Variants in ANKRD53 observed in about 807,000 individuals in gnomAD.
The protein encoded by ANKRD53 is ankyrin repeat domain-containing protein 53.
A neutral mutation model predicts 30.1 loss-of-function variants in ANKRD53; 27 were observed. The ratio of observed to expected loss-of-function variants is 0.90; its 90% CI spans 0.66 to 1.24. The LOEUF (loss-of-function observed/expected upper bound fraction) is 1.24. Ranked by LOEUF, ANKRD53 falls within the 50% of genes most tolerant of loss-of-function variation. ANKRD53 has a pLI of 0.00. For synonymous variants in ANKRD53, 286 were observed against 295.4 expected, an observed-to-expected ratio of 0.97 and a Z score of 0.33; for missense variants, 682 against 721.0, an observed-to-expected ratio of 0.95 and a Z score of 0.62.
At position 70,984,849 on chromosome 2, in the gene ANKRD53, A is replaced by G. The variant is rs1553424437; in HGVS notation, c.1142A>G (p.Lys381Arg). Residue 381 changes from lysine (K) to arginine (R), a missense_variant, in exon 6 of 6, where the codon AAG becomes AGG. Coordinates refer to ENST00000360589, the MANE Select transcript of ANKRD53 (RefSeq NM_001115116.2). ...PKPIYRKPTV[K>R]RPTMWNVSNN... ...CCCATCTACAGGAAGCCCACGGTCAAGCGGCCCACAATGTGGAATGTTAGC... is the reference window on the plus strand; with the variant it reads ...CCCATCTACAGGAAGCCCACGGTCAGGCGGCCCACAATGTGGAATGTTAGC... 1 of 1,551,732 alleles carries G rather than the reference A, an allele frequency of 6.4e-7. No individual in the cohort carries two copies. The highest frequency in any genetic ancestry group is 2.0e-5 in the Admixed American group (1 of 51,024).
At chr2:70,980,900 C>G (rs1478153822) in intron 3 of ANKRD53, among the ~76,000 whole-genome samples, 5 of 150,926 alleles carry the variant, frequency 3.3e-5, no homozygotes, top group African/African-American at 1.2e-4. Flanking sequence ...GAGCCAAGAT[C>G]GTGCCACTGC....
chr2:70,979,672 C>T lies in ANKRD53; in HGVS notation c.429C>T (p.Ala143=), dbSNP rs782423366. The T allele has an allele frequency of 6.2e-7, 1 of 1,613,582 alleles. No individual in the cohort carries two copies. Among genetic ancestry groups the T allele is most frequent in the African/African-American group, 1.3e-5 (1 of 74,922 alleles). Reference sequence around the variant, plus strand: ...TCTGAACCTCACAGGGCTTCACTGCCATCCACTTCGCCGCCCAATGGGGCA... The same window carrying T: ...TCTGAACCTCACAGGGCTTCACTGCTATCCACTTCGCCGCCCAATGGGGCA... ...EIPTDDKGFT[A]IHFAAQWGKL... The change falls in exon 3 of 6, where the codon GCC becomes GCT. Residue 143 remains alanine, a synonymous_variant. Coordinates refer to ENST00000360589, the MANE Select transcript of ANKRD53 (RefSeq NM_001115116.2).
Position 70,979,222 on chromosome 2 carries a change from C to A in ANKRD53, c.296C>A (p.Thr99Lys). 1.2e-6 allele frequency: 2 copies of A among 1,613,412 alleles called. No individual in the cohort carries two copies. The highest frequency in any genetic ancestry group is 2.2e-5 in the East Asian group (1 of 44,870). ...AGCCCCAGCAAGGAGTCCGACCAGA[C>A]GGCAATCGACCAGACGGCGATCGGG... ...DPSPSKESDQ[T>K]AIDQTAIGSY... The change falls in exon 2 of 6, where the codon ACG (threonine) becomes AAG (lysine). Residue 99 changes from threonine to lysine, a missense_variant. Thr to Lys is a moderately conservative substitution (Grantham distance 78). Coordinates refer to ENST00000360589, the MANE Select transcript of ANKRD53 (RefSeq NM_001115116.2).
At position 70,979,850 on chromosome 2, in the gene ANKRD53, G is replaced by A. The variant is rs1200367506; in HGVS notation, c.607G>A (p.Asp203Asn). 4 of 1,614,206 alleles carry A rather than the reference G, an allele frequency of 2.5e-6. No homozygotes were observed. Among genetic ancestry groups the A allele is most frequent in the Non-Finnish European group, 3.4e-6 (4 of 1,180,038 alleles). Reference sequence around the variant, plus strand: ...CTACTACCTGCTGGAGAAAGGCGCAGACCTCAATGCGTGAGTCCAGCCTGC... The same window carrying A: ...CTACTACCTGCTGGAGAAAGGCGCAAACCTCAATGCGTGAGTCCAGCCTGC... ...CIYYLLEKGA[D>N]LNAQTCNGST... The change falls in exon 3 of 6, where the codon GAC (aspartate) becomes AAC (asparagine). Residue 203 changes from aspartate to asparagine, a missense_variant. Physicochemically the swap from Asp to Asn is conservative, Grantham distance 23. Coordinates refer to ENST00000360589, the MANE Select transcript of ANKRD53 (RefSeq NM_001115116.2).
In ANKRD53 at chr2:70,981,949, G is replaced by A. The variant is rs553903679; in HGVS notation, c.631G>A (p.Gly211Ser). The change falls in exon 4 of 6, where the codon GGC becomes AGC. Residue 211 changes from glycine to serine, a missense_variant. Coordinates refer to ENST00000360589, the MANE Select transcript of ANKRD53 (RefSeq NM_001115116.2). Reference sequence around the variant, plus strand: ...GGCCTTCCACAGTCAGACATGCAACGGCTCCACGCCCCTGCACCTGGCAGC... The same window carrying A: ...GGCCTTCCACAGTCAGACATGCAACAGCTCCACGCCCCTGCACCTGGCAGC... ...GADLNAQTCN[G>S]STPLHLAARD... is the part of the protein sequence containing the mutation. The A allele has an allele frequency of 8.8e-6, 14 of 1,585,178 alleles. No homozygotes were observed. Among genetic ancestry groups the A allele is most frequent in the South Asian group, 2.3e-5 (2 of 87,410 alleles).
intron 3 of ANKRD53, among the ~76,000 whole-genome samples, chr2:70,980,318 C>CAAAAAAAA (rs35991485): frequency 1.3e-5 from 1 of 76,212 alleles, no homozygotes; most frequent in Admixed American, 1.7e-4. Context: ...TCCGTCTCAA[C>CAAAAAAAA]AAAAAAAAAA....
rs782036694 is a variant in ANKRD53, at chr2:70,978,729, G to A, written c.84G>A (p.Pro28=). The change falls in exon 1 of 6, where the codon CCG becomes CCA. Residue 28 remains proline, a synonymous_variant. Coordinates refer to ENST00000360589, the MANE Select transcript of ANKRD53 (RefSeq NM_001115116.2). The surrounding 1 kb of genome is among the most constrained non-coding windows in gnomAD (Gnocchi z 4.3). Reference sequence around the variant, plus strand: ...GGGGAGAAGGGAGAGGTGCTCGGCCGCAGCCAACTCCAAGTGGCTCCATGC... The same window carrying A: ...GGGGAGAAGGGAGAGGTGCTCGGCCACAGCCAACTCCAAGTGGCTCCATGC... ...SERGEGRGAR[P]QPTPSGSMQQ... 1.3e-5 allele frequency: 20 copies of A among 1,555,000 alleles called. No individual in the cohort carries two copies. The highest frequency in any genetic ancestry group is 1.7e-5 in the Non-Finnish European group (20 of 1,149,550).
chr2:70,981,318 T>C (rs1017701226), intron 3 of ANKRD53, among the ~76,000 whole-genome samples: 1 of 151,394 alleles, frequency 6.6e-6, no homozygotes, highest in Non-Finnish European at 1.5e-5. Context: ...ATGAACAAAA[T>C]CCTGACAGAG....
chr2:70,980,578 G>A (rs1447169493), intron 3 of ANKRD53, among the ~76,000 whole-genome samples: 3 of 151,570 alleles, frequency 2.0e-5, no homozygotes, highest in Middle Eastern at 3.5e-3. Context: ...GGAGGTGGAG[G>A]TTGCGGTGGG....
In ANKRD53 at chr2:70,981,931, C is replaced by A. The variant is rs1670020045; in HGVS notation, c.618-5C>A. On this transcript the variant is annotated splice_polypyrimidine_tract_variant and splice_region_variant and intron_variant, in intron 3 of 5. Transcript: ENST00000360589. ...CCTTATCCCCACTGGTGGGGCCTTC[C>A]ACAGTCAGACATGCAACGGCTCCAC... 1 of 1,564,560 alleles carries A rather than the reference C, an allele frequency of 6.4e-7. No homozygotes were observed. Among genetic ancestry groups the A allele is most frequent in the African/African-American group, 1.4e-5 (1 of 72,978 alleles).
intron 5 of ANKRD53, chr2:70,984,195 A>G: frequency 6.2e-7 from 1 of 1,614,128 alleles, no homozygotes; most frequent in Non-Finnish European, 8.5e-7. Context: ...ATGGCAGGAC[A>G]TTTCTCTACT....
upstream of ANKRD53, chr2:70,978,535 TG>T (rs1669893049): frequency 8.5e-6 from 11 of 1,294,088 alleles, no homozygotes; most frequent in South Asian, 1.9e-4. This position sits in a 1 kb window ranked among gnomAD's most constrained non-coding sequence, Gnocchi z 4.3. Context: ...CCTAGCGGCC[TG>T]GAAGGGGCCG....
At chr2:70,979,400 G>T in intron 2 of ANKRD53, 57 bp downstream of exon 2, 1 of 1,605,490 alleles carries the variant, frequency 6.2e-7, no homozygotes, top group Admixed American at 1.7e-5. Context: ...ACGCTGCTCG[G>T]AGTGGTCACC....
Position 70,982,263 on chromosome 2 carries a change from T to A in ANKRD53, c.782+163T>A. On this transcript the variant is annotated intron_variant, in intron 4 of 5. Transcript: ENST00000360589. The surrounding 1 kb of genome is among the most constrained non-coding windows in gnomAD (Gnocchi z 4.2). ...GGATATTTTGGATGAGGCAATCACC[T>A]CATCACCTGGGCTTGGGGGTAAGTC... The A allele has an allele frequency of 1.1e-6, 1 of 874,228 alleles. No individual in the cohort carries two copies. Among genetic ancestry groups the A allele is most frequent in the African/African-American group, 1.7e-5 (1 of 58,616 alleles). 54.2% of individuals were successfully genotyped at this position (874,228 alleles called of 1,614,324 possible).
At chr2:70,984,192 G>T in intron 5 of ANKRD53, 1 of 1,614,214 alleles carries the variant, frequency 6.2e-7, no homozygotes, top group Non-Finnish European at 8.5e-7. Context: ...CCTATGGCAG[G>T]ACATTTCTCT....
chr2:70,984,054 C>T, intron 5 of ANKRD53: 1 of 1,485,674 alleles, frequency 6.7e-7, no homozygotes, highest in African/African-American at 1.4e-5. Context: ...CATGACTTCT[C>T]AAGGCCCACC....
chr2:70,978,796 G>A lies in ANKRD53; in HGVS notation c.151G>A (p.Ala51Thr), dbSNP rs1553422863. Reference sequence around the variant, plus strand: ...CTCCTTGAAGGCCACCTGGACTGACGCGGAGTCCAAGCAGCCCAGGTGGGT... The same window carrying A: ...CTCCTTGAAGGCCACCTGGACTGACACGGAGTCCAAGCAGCCCAGGTGGGT... ...KVSLKATWTD[A>T]ESKQPSQPLP... Residue 51 changes from alanine to threonine, a missense_variant, in exon 1 of 6, where the codon GCG (alanine) becomes ACG (threonine). Transcript: ENST00000360589. The surrounding 1 kb of genome is among the most constrained non-coding windows in gnomAD (Gnocchi z 4.3). 4.5e-6 allele frequency: 7 copies of A among 1,570,446 alleles called. No individual in the cohort carries two copies. Among genetic ancestry groups the A allele is most frequent in the Non-Finnish European group, 6.0e-6 (7 of 1,159,044 alleles).
intron 3 of ANKRD53, among the ~76,000 whole-genome samples, chr2:70,980,638 C>T (rs1347695986): frequency 6.6e-6 from 1 of 151,252 alleles, no homozygotes; most frequent in East Asian, 1.9e-4. Context: ...GAGACTGTCT[C>T]AAAAAATAAA....
rs199665036 is a variant in ANKRD53, at chr2:70,979,892, C to T, written c.617+32C>T. The T allele has an allele frequency of 5.5e-5, 88 of 1,613,064 alleles. No homozygotes were observed. In the East Asian group the frequency reaches 1.3e-3, roughly 24 times the overall value. ...CCAGCCTGCTTCAGGAGGGAGGCTT[C>T]GGGCACAGGCACGGGCACAGCCCTA... On this transcript the variant is annotated intron_variant, in intron 3 of 5. Transcript: ENST00000360589.
Sources: allele counts gnomAD v4.1 joint callset (sites outside exome capture counted in the v4.1 genomes callset), GRCh38; gene constraint gnomAD v4.1.1; non-coding constraint Gnocchi (gnomAD v3.1); transcripts MANE v1.5; gene names NCBI Gene and HGNC (gene_info 2026-07-23, HGNC 2026-07-21).